The following YARS1 variants were observed in gnomAD, a reference collection of about 807,000 sequenced individuals.
YARS1 encodes the protein tyrosyl-tRNA synthetase 1.
In YARS1, 36 loss-of-function variants were observed where a neutral mutation model predicts 62.2. The ratio of observed to expected loss-of-function variants is 0.58; its 90% CI spans 0.44 to 0.76. The LOEUF is 0.76. Ranked by LOEUF, YARS1 falls within the 30% of genes least tolerant of loss-of-function variation. The pLI is 0.00. For missense variants in YARS1, 524 were observed against 639.8 expected (o/e 0.82, Z 1.95); for synonymous variants, 234 against 244.9 (o/e 0.96, Z 0.42).
intron 1 of YARS1, among the ~76,000 whole-genome samples, chr1:32,815,861 G>A (rs1557470612): frequency 6.6e-6 from 1 of 152,162 alleles, no homozygotes; most frequent in Non-Finnish European, 1.5e-5. Context: ...TGTAATCCCA[G>A]CACTCTGGGA....
At chr1:32,778,252 G>A (rs1000637315) in intron 12 of YARS1, among the ~76,000 whole-genome samples, 10 of 152,162 alleles carry the variant, frequency 6.6e-5, no homozygotes, top group African/African-American at 2.4e-4. Flanking sequence ...TTATGGAATC[G>A]GTATTTGTTA....
chr1:32,803,520 T>C (rs1638359955), intron 4 of YARS1, among the ~76,000 whole-genome samples: 1 of 152,154 alleles, frequency 6.6e-6, no homozygotes, highest in South Asian at 2.1e-4. Context: ...CATTAGCTCC[T>C]AACAAGAGAG....
In YARS1 at chr1:32,780,185, T is replaced by C. The variant is rs1653006117; in HGVS notation, c.1234A>G (p.Lys412Glu). Residue 412 changes from lysine to glutamate, a missense_variant, in exon 11 of 13, where the codon AAG (lysine) becomes GAG (glutamate). Physicochemically the swap from Lys to Glu is moderately conservative, Grantham distance 56. Transcript: ENST00000373477. Reference protein sequence around the residue: ...VVSGLVQFVPKEELQDRLVVV... With the variant: ...VVSGLVQFVPEEELQDRLVVV... The stretch of plus-strand genomic sequence containing the variant: ...ACCAGCCTGTCCTGCAGTTCCTCCT[T>C]GGGCACGAACTGTACCAGGCCGCTC... 6.2e-7 allele frequency: 1 copy of C among 1,614,068 alleles called. No individual in the cohort carries two copies. Among genetic ancestry groups the C allele is most frequent in the African/African-American group, 1.3e-5 (1 of 74,922 alleles).
chr1:32,806,595 C>T lies in YARS1; in HGVS notation c.397G>A (p.Val133Met). The change falls in exon 4 of 13, where the codon GTG (valine) becomes ATG (methionine). Residue 133 changes from valine to methionine, a missense_variant. Coordinates refer to ENST00000373477, the MANE Select transcript of YARS1 (RefSeq NM_003680.4). ...YQLSKEYTLD[V>M]YRLSSVVTQH... ...GTGACCACGGAGGAGAGTCTGTACA[C>T]ATCTAGTGTGTACTCTCTGAAGAGG... 3.1e-6 allele frequency: 5 copies of T among 1,614,154 alleles called. No individual in the cohort carries two copies. The highest frequency in any genetic ancestry group is 1.7e-4 in the Middle Eastern group (1 of 6,052).
chr1:32,785,154 C>A (rs1243440200), intron 8 of YARS1, among the ~76,000 whole-genome samples: 3 of 152,090 alleles, frequency 2.0e-5, no homozygotes, highest in African/African-American at 7.2e-5. Flanking sequence ...AATATGCAGC[C>A]CTGGAGAGCA....
At chr1:32,780,418 C>T (rs181563125) in intron 10 of YARS1, 140 bp from the exon 11 acceptor site, 80 of 930,396 alleles carry the variant, frequency 8.6e-5, no homozygotes, top group Middle Eastern at 2.3e-4. Flanking sequence ...TTTCTTTCCA[C>T]GTCCCAGACA....
At chr1:32,781,195 C>A in intron 9 of YARS1, 50 bp from the exon 10 acceptor site, 1 of 1,463,528 alleles carries the variant, frequency 6.8e-7, no homozygotes, top group South Asian at 1.1e-5. Flanking sequence ...TGTGGCAGGT[C>A]AGCTGCTGAT....
intron 8 of YARS1, among the ~76,000 whole-genome samples, chr1:32,784,541 T>C (rs1653159343): frequency 1.3e-5 from 2 of 152,140 alleles, no homozygotes; most frequent in South Asian, 2.1e-4. Context: ...CATGTCTTTG[T>C]ACAACTTATT....
chr1:32,785,178 G>A (rs1393630480), intron 8 of YARS1, among the ~76,000 whole-genome samples: 1 of 152,198 alleles, frequency 6.6e-6, no homozygotes, highest in Non-Finnish European at 1.5e-5. Context: ...ACAGAGCCCT[G>A]GCCGGGCACA....
At position 32,776,224 on chromosome 1, in the gene YARS1, C is replaced by T. The variant is rs561192601; in HGVS notation, c.1477-133G>A. On this transcript the variant is annotated intron_variant, in intron 12 of 12. Coordinates refer to ENST00000373477, the MANE Select transcript of YARS1 (RefSeq NM_003680.4). This position sits in a 1 kb window ranked among gnomAD's most constrained non-coding sequence, Gnocchi z 4.0. ...GTGCAATGGCGTGATCTTGGCTCAC[C>T]GCAACCTCTGCCTCCCAGGTTCAAG... 2.8e-4 allele frequency: 210 copies of T among 759,872 alleles called. 1 individual carries two copies. Among genetic ancestry groups the T allele is most frequent in the South Asian group, 2.6e-3 (175 of 67,446 alleles). 47.1% of individuals were successfully genotyped at this position (759,872 alleles called of 1,614,324 possible). A position where few individuals can be genotyped will look rare whatever the true frequency, so the allele number is the denominator to read the frequency against.
At chr1:32,781,017 G>C in intron 10 of YARS1, 31 bp downstream of exon 10, 1 of 1,601,412 alleles carries the variant, frequency 6.2e-7, no homozygotes, top group South Asian at 1.1e-5. Flanking sequence ...ACCCCAATCT[G>C]CCTCTCTGAG....
At chr1:32,816,825 T>C (rs1383377600) in intron 1 of YARS1, 1 of 408,008 alleles carries the variant, frequency 2.5e-6, no homozygotes, top group Admixed American at 3.7e-5. Context: ...TGAACCGTAA[T>C]GGGTCATTTT....
intron 8 of YARS1, among the ~76,000 whole-genome samples, chr1:32,786,021 G>T (rs1220410760): frequency 1.3e-5 from 2 of 151,970 alleles, no homozygotes; most frequent in Non-Finnish European, 2.9e-5. Context: ...ATCCTAAAGG[G>T]ACCACTCGTG....
chr1:32,787,133 CTAA>C (rs1557450558), intron 6 of YARS1, 58 bp from the exon 7 acceptor site: 31 of 1,607,248 alleles, frequency 1.9e-5, no homozygotes, highest in Non-Finnish European at 2.6e-5. Flanking sequence ...ATATGCTCAA[CTAA>C]TATAAGTTAA....
intron 3 of YARS1, 143 bp from the exon 4 acceptor site, chr1:32,806,754 TTTC>T: frequency 1.8e-6 from 2 of 1,117,512 alleles, no homozygotes; most frequent in Non-Finnish European, 2.5e-6. Context: ...AATCACCAAC[TTTC>T]TTCTTCTTTC....
At chr1:32,792,697 G>A (rs1170041737) in intron 5 of YARS1, among the ~76,000 whole-genome samples, 3 of 151,940 alleles carry the variant, frequency 2.0e-5, no homozygotes, top group South Asian at 2.1e-4. Context: ...TGGCTAACAC[G>A]GTGAAACCCC....
intron 12 of YARS1, among the ~76,000 whole-genome samples, chr1:32,777,889 A>G (rs1652919627): frequency 6.6e-6 from 1 of 152,198 alleles, no homozygotes; most frequent in African/African-American, 2.4e-5. Context: ...AATAATCACT[A>G]ATAACATTCT....
rs755220640 is a variant in YARS1, at chr1:32,782,465, C to T, written c.981G>A (p.Lys327=). ...LNKLLDPIRE[K]FNTPALKKLA... ...GTTTTTTCAGGGCAGGGGTATTAAACTTTTCCCGGATTGGATCCAGCAACT... is the reference window on the plus strand; with the variant it reads ...GTTTTTTCAGGGCAGGGGTATTAAATTTTTCCCGGATTGGATCCAGCAACT... The change falls in exon 9 of 13, where the codon AAG becomes AAA. Residue 327 remains lysine (K), a synonymous_variant. Coordinates refer to ENST00000373477, the MANE Select transcript of YARS1 (RefSeq NM_003680.4). 6.2e-7 allele frequency: 1 copy of T among 1,614,090 alleles called. No homozygotes were observed. The highest frequency in any genetic ancestry group is 8.5e-7 in the Non-Finnish European group (1 of 1,180,020).
chr1:32,814,949 T>A (rs921947287), intron 1 of YARS1, among the ~76,000 whole-genome samples: 13 of 152,316 alleles, frequency 8.5e-5, no homozygotes, highest in African/African-American at 3.1e-4. Context: ...ACTCCTGTGC[T>A]CCAAGTCTTT....
Sources: gnomAD v4.1 joint callset for allele counts (sites outside exome capture counted in the v4.1 genomes callset) on GRCh38, gnomAD v4.1.1 for gene constraint, Gnocchi (gnomAD v3.1) non-coding constraint, MANE v1.5 for transcripts, NCBI Gene and HGNC (gene_info 2026-07-23, HGNC 2026-07-21) for gene names.